MAP6: variants seen among roughly 807,000 people sequenced by gnomAD.
MAP6 encodes microtubule associated protein 6.
MAP6 carries 26 observed loss-of-function variants against 42.4 expected under a neutral mutation model. The ratio of observed to expected loss-of-function variants is 0.61; its 90% CI spans 0.45 to 0.85. The LOEUF (loss-of-function observed/expected upper bound fraction) is 0.85, where lower values mean the gene tolerates loss of function less well. Ranked by LOEUF, MAP6 falls within the 40% of genes least tolerant of loss-of-function variation. The probability of loss-of-function intolerance (pLI) is 0.00; values close to 1 mark genes in which losing one functional copy is unlikely to be tolerated. For missense variants in MAP6, 966 were observed against 1,099.0 expected (o/e 0.88, Z 1.71); for synonymous variants, 418 against 443.8 (o/e 0.94, Z 0.73).
intron 1 of MAP6, among the ~76,000 whole-genome samples, chr11:75,650,485 G>A (rs1304744122): frequency 6.6e-6 from 1 of 152,154 alleles, no homozygotes; most frequent in Non-Finnish European, 1.5e-5. Context: ...TCATTACACT[G>A]CTCATTCCAT....
chr11:75,637,900 G>A (rs1943397701), intron 1 of MAP6, among the ~76,000 whole-genome samples: 1 of 143,170 alleles, frequency 7.0e-6, no homozygotes, highest in South Asian at 2.5e-4. Flanking sequence ...GGGAGGGAGG[G>A]AGGGAAGGAG....
At chr11:75,611,421 G>C (rs1031622365) in intron 1 of MAP6, among the ~76,000 whole-genome samples, 1 of 152,232 alleles carries the variant, frequency 6.6e-6, no homozygotes, top group Admixed American at 6.5e-5. Flanking sequence ...TCACCTGTGA[G>C]CACTAACAGT....
chr11:75,648,615 C>G (rs951724760), intron 1 of MAP6, among the ~76,000 whole-genome samples: 6 of 152,130 alleles, frequency 3.9e-5, no homozygotes, highest in Non-Finnish European at 8.8e-5. Flanking sequence ...ATGATAAAGG[C>G]AAGGACTAAG....
At chr11:75,657,464 T>C (rs1943771276) in intron 1 of MAP6, among the ~76,000 whole-genome samples, 1 of 152,168 alleles carries the variant, frequency 6.6e-6, no homozygotes, top group African/African-American at 2.4e-5. Flanking sequence ...TGGGAAATAT[T>C]ACTGGTGTGT....
intron 3 of MAP6, among the ~76,000 whole-genome samples, chr11:75,599,609 C>T (rs1291951071): frequency 2.0e-5 from 3 of 152,158 alleles, no homozygotes; most frequent in Non-Finnish European, 4.4e-5. Flanking sequence ...GTATCCGGGT[C>T]CCAAGATTTA....
At chr11:75,641,169 T>C (rs1012072870) in intron 1 of MAP6, among the ~76,000 whole-genome samples, 3 of 151,910 alleles carry the variant, frequency 2.0e-5, no homozygotes, top group Non-Finnish European at 2.9e-5. Flanking sequence ...AAATGATGAG[T>C]TCATGTCCTT....
At chr11:75,603,708 C>G (rs1942706805) in intron 3 of MAP6, 1 of 985,196 alleles carries the variant, frequency 1.0e-6, no homozygotes, top group Non-Finnish European at 1.2e-6. Flanking sequence ...GGTTGTGTGG[C>G]TGTGGAGACA....
At chr11:75,665,770 A>G (rs774641841) in intron 1 of MAP6, among the ~76,000 whole-genome samples, 3 of 151,960 alleles carry the variant, frequency 2.0e-5, no homozygotes, top group Admixed American at 6.6e-5. Context: ...CTACCATCTC[A>G]TGGCTATTCA....
intron 1 of MAP6, among the ~76,000 whole-genome samples, chr11:75,659,909 T>A (rs2135694456): frequency 6.6e-6 from 1 of 152,368 alleles, no homozygotes; most frequent in Non-Finnish European, 1.5e-5. Context: ...TCCTTCCCTA[T>A]GAGAGCAACA....
intron 1 of MAP6, among the ~76,000 whole-genome samples, chr11:75,609,401 C>T (rs1215050540): frequency 6.6e-6 from 1 of 152,140 alleles, no homozygotes; most frequent in Non-Finnish European, 1.5e-5. Context: ...CTTCCAAGTC[C>T]CACTGTCTCC....
Position 75,668,013 on chromosome 11 carries a change from C to T in MAP6, c.357G>A (p.Ser119=), listed in dbSNP as rs762824021. 1.6e-6 allele frequency: 2 copies of T among 1,236,958 alleles called. No individual in the cohort carries two copies. The highest frequency in any genetic ancestry group is 1.0e-6 in the Non-Finnish European group (1 of 989,572). The allele number at this position is 1,236,958 out of a possible 1,614,324, so 76.6% of individuals were successfully genotyped here. The change falls in exon 1 of 4, where the codon TCG becomes TCA. Residue 119 remains serine, a synonymous_variant. Transcript: ENST00000304771. ...AGGCTCGGTAATCCTGCCGCATCAC[C>T]GAGTCCGCGGGGCCGGAGGTGGAGC... ...GSGSTSGPAD[S]VMRQDYRAWK... is the part of the protein sequence containing the mutation.
intron 1 of MAP6, among the ~76,000 whole-genome samples, chr11:75,644,256 A>G (rs1398488370): frequency 2.6e-5 from 4 of 152,150 alleles, no homozygotes; most frequent in African/African-American, 9.7e-5. Context: ...CAGAGTACCA[A>G]TTCAGGAAAA....
At chr11:75,617,326 G>A (rs1943013785) in intron 1 of MAP6, among the ~76,000 whole-genome samples, 1 of 152,006 alleles carries the variant, frequency 6.6e-6, no homozygotes, top group African/African-American at 2.4e-5. Flanking sequence ...AGACCAGCCT[G>A]GCCAACATGG....
chr11:75,609,708 T>C (rs545579042), intron 1 of MAP6, among the ~76,000 whole-genome samples: 21 of 152,342 alleles, frequency 1.4e-4, no homozygotes, highest in Middle Eastern at 3.4e-3. Context: ...CTGTTCTCCG[T>C]ATTTCTTTAG....
intron 1 of MAP6, among the ~76,000 whole-genome samples, chr11:75,650,925 C>A (rs531244502): frequency 1.3e-5 from 2 of 152,160 alleles, no homozygotes; most frequent in Non-Finnish European, 2.9e-5. Context: ...ATCACACACT[C>A]CTAGCCCTAA....
Position 75,667,425 on chromosome 11 carries a change from G to A in MAP6, c.905+40C>T. 7.0e-7 allele frequency: 1 copy of A among 1,425,814 alleles called. No homozygotes were observed. The highest frequency in any genetic ancestry group is 9.1e-7 in the Non-Finnish European group (1 of 1,094,584). 88.3% of individuals were successfully genotyped at this position (1,425,814 alleles called of 1,614,324 possible). Reference sequence around the variant, plus strand: ...CCCGGGCAGCCCGCGGGGAGGGTCTGCGTGGTGACTCCCCCGCGCTAGCAG... The same window carrying A: ...CCCGGGCAGCCCGCGGGGAGGGTCTACGTGGTGACTCCCCCGCGCTAGCAG... On this transcript the variant is annotated intron_variant, in intron 1 of 3. Coordinates refer to ENST00000304771, the MANE Select transcript of MAP6 (RefSeq NM_033063.2). The surrounding 1 kb of genome is among the most constrained non-coding windows in gnomAD (Gnocchi z 5.6).
At chr11:75,607,174 T>C in intron 2 of MAP6, 2 of 946,610 alleles carry the variant, frequency 2.1e-6, no homozygotes, top group Non-Finnish European at 2.5e-6. Flanking sequence ...AGTGCTAAAA[T>C]GGAAGAATCC....
At chr11:75,637,280 G>A (rs752815923) in intron 1 of MAP6, among the ~76,000 whole-genome samples, 23 of 152,192 alleles carry the variant, frequency 1.5e-4, no homozygotes, top group Admixed American at 1.4e-3. Context: ...ATATGGAGCG[G>A]TTGAATTATT....
At chr11:75,635,828 A>G (rs1220281717) in intron 1 of MAP6, 1 of 152,270 alleles carries the variant, frequency 6.6e-6, no homozygotes, top group African/African-American at 2.4e-5. Flanking sequence ...TCTAGCTCAG[A>G]GGATGCTACG....
Sources: allele counts gnomAD v4.1 joint callset (sites outside exome capture counted in the v4.1 genomes callset), GRCh38; gene constraint gnomAD v4.1.1; non-coding constraint Gnocchi (gnomAD v3.1); transcripts MANE v1.5; gene names NCBI Gene and HGNC (gene_info 2026-07-23, HGNC 2026-07-21).